Variants in KDM4C observed in about 807,000 individuals in gnomAD.
The protein encoded by KDM4C is lysine demethylase 4C, also known as lysine-specific demethylase 4C.
In KDM4C, 81 loss-of-function variants were observed where a neutral mutation model predicts 129.3. The observed-to-expected ratio is 0.63, with a 90% CI of 0.52 to 0.75. KDM4C has a LOEUF of 0.75. KDM4C is among the 30% of genes least tolerant of loss of function. The probability of loss-of-function intolerance (pLI) is 0.00; values close to 1 mark genes in which losing one functional copy is unlikely to be tolerated. For synonymous variants in KDM4C, 573 were observed against 456.1 expected (o/e 1.26, Z -3.26); for missense variants, 1,457 against 1,304.0 (o/e 1.12, Z -1.81).
intron 17 of KDM4C, chr9:7,077,170 C>CT: frequency 1.0e-6 from 1 of 985,348 alleles, no homozygotes; most frequent in African/African-American, 1.7e-5. Context: ...GTTGCTGAAG[C>CT]TCATGTTATC....
chr9:6,926,380 G>C (rs1040790019), intron 8 of KDM4C, among the ~76,000 whole-genome samples: 2 of 114,854 alleles, frequency 1.7e-5, no homozygotes, highest in African/African-American at 5.9e-5. Context: ...ATGAATGAAA[G>C]GGACACATGA....
At chr9:7,115,626 A>C (rs913761741) in intron 18 of KDM4C, among the ~76,000 whole-genome samples, 9 of 152,250 alleles carry the variant, frequency 5.9e-5, no homozygotes, top group Admixed American at 1.3e-4. Flanking sequence ...GTATATTTTT[A>C]AGACTATTAA....
chr9:6,784,286 T>G (rs1026636921), intron 1 of KDM4C, among the ~76,000 whole-genome samples: 3 of 152,168 alleles, frequency 2.0e-5, no homozygotes, highest in African/African-American at 7.2e-5. Flanking sequence ...AAAATCCAGT[T>G]ATTGTTCCTG....
intron 6 of KDM4C, 28 bp from the exon 7 acceptor site, chr9:6,887,932 G>A (rs1261630026): frequency 7.9e-6 from 10 of 1,269,544 alleles, no homozygotes; most frequent in African/African-American, 1.5e-5. Context: ...TCGACACAGT[G>A]CCACTTACAT....
At chr9:6,772,520 C>A (rs1822080925) in intron 1 of KDM4C, among the ~76,000 whole-genome samples, 1 of 152,142 alleles carries the variant, frequency 6.6e-6, no homozygotes, top group South Asian at 2.1e-4. Context: ...CACCACCACG[C>A]CTGGTTAATT....
At chr9:7,028,519 C>A (rs967631253) in intron 15 of KDM4C, among the ~76,000 whole-genome samples, 2 of 151,644 alleles carry the variant, frequency 1.3e-5, no homozygotes, top group African/African-American at 4.8e-5. Flanking sequence ...AGGAAGGGAT[C>A]TCTTTAATTG....
At chr9:6,846,877 T>C (rs10975851) in intron 4 of KDM4C, among the ~76,000 whole-genome samples, 13,684 of 152,200 alleles carry the variant, frequency 0.09, 823 homozygotes, top group East Asian at 0.26. Flanking sequence ...TATTTAGTGC[T>C]CCGAGCAACT....
intron 19 of KDM4C, among the ~76,000 whole-genome samples, chr9:7,137,703 C>G (rs1204285819): frequency 1.3e-5 from 2 of 152,166 alleles, no homozygotes; most frequent in African/African-American, 2.4e-5. Flanking sequence ...ATGGCAAGAG[C>G]TTCCTGAGGC....
At chr9:6,752,761 T>G (rs987626399), upstream of KDM4C, among the ~76,000 whole-genome samples, 1 of 152,190 alleles carries the variant, frequency 6.6e-6, no homozygotes, top group Non-Finnish European at 1.5e-5. Flanking sequence ...TCTTTCCAAC[T>G]AATATATGAA....
intron 1 of KDM4C, among the ~76,000 whole-genome samples, chr9:6,730,460 A>G (rs1343466022): frequency 6.6e-6 from 1 of 151,896 alleles, no homozygotes; most frequent in Non-Finnish European, 1.5e-5. Context: ...CTAAAAATAC[A>G]AAAAATTAGC....
chr9:6,907,901 G>A (rs2131045746), intron 8 of KDM4C, among the ~76,000 whole-genome samples: 1 of 152,234 alleles, frequency 6.6e-6, no homozygotes, highest in African/African-American at 2.4e-5. Context: ...ATGGACTATG[G>A]TACTTAAATA....
Position 6,910,865 on chromosome 9 carries a change from T to C in KDM4C, c.921+17633T>C, listed in dbSNP as rs1043457283. Among the ~76,000 whole-genome samples the C allele has an allele frequency of 8.2e-4, 125 of 152,378 alleles. 1 individual carries two copies. Among genetic ancestry groups the C allele is most frequent in the African/African-American group, 2.9e-3 (121 of 41,594 alleles). ...TAGATGATGGTACATCCAGTCATGA[T>C]ATGCTAATTAGCATTAAAAATGATG... On this transcript the variant is annotated intron_variant, in intron 8 of 21. Coordinates refer to ENST00000381309, the MANE Select transcript of KDM4C (RefSeq NM_015061.6).
chr9:6,969,674 C>T (rs187168134), intron 8 of KDM4C, among the ~76,000 whole-genome samples: 22 of 152,300 alleles, frequency 1.4e-4, no homozygotes, highest in African/African-American at 5.1e-4. Flanking sequence ...TTGTTACGCT[C>T]TGGTTTCAAC....
intron 15 of KDM4C, among the ~76,000 whole-genome samples, chr9:7,019,713 A>AAAAATATTATATTTTTATATAT (rs1563992846): frequency 0.012 from 1,244 of 105,364 alleles, 46 homozygotes; most frequent in East Asian, 0.058. Context: ...TTTTATATAT[A>AAAAATATTATATTTTTATATAT]AAAATATAAT....
At chr9:6,819,741 T>TG in intron 4 of KDM4C, among the ~76,000 whole-genome samples, 1 of 152,270 alleles carries the variant, frequency 6.6e-6, no homozygotes, top group Middle Eastern at 3.4e-3. Flanking sequence ...GTAGAGTGAG[T>TG]GTAATAATTG....
chr9:6,813,207 A>AAT (rs999613877), intron 3 of KDM4C, among the ~76,000 whole-genome samples: 1 of 152,070 alleles, frequency 6.6e-6, no homozygotes, highest in African/African-American at 2.4e-5. Context: ...TAAAAAAAAA[A>AAT]TTTTTAATTC....
At chr9:7,004,521 A>T (rs1255892834) in intron 12 of KDM4C, among the ~76,000 whole-genome samples, 1 of 152,178 alleles carries the variant, frequency 6.6e-6, no homozygotes, top group Non-Finnish European at 1.5e-5. Context: ...ATATATAGTC[A>T]TACTGTATAT....
chr9:6,733,922 C>T lies in KDM4C; in HGVS notation c.49+12925C>T, dbSNP rs115728043. Among the ~76,000 whole-genome samples the T allele has an allele frequency of 9.5e-3, 1,446 of 152,244 alleles. 21 individuals carry two copies. The highest frequency in any genetic ancestry group is 0.033 in the African/African-American group (1,377 of 41,542). ...GCTGCTGAGAGTGTAGCAGTGAGGA[C>T]AACCAGAGGTCACGCTCACATCTTG... On this transcript the variant is annotated intron_variant, in intron 1 of 17. Coordinates refer to the KDM4C transcript ENST00000536108.
intron 1 of KDM4C, among the ~76,000 whole-genome samples, chr9:6,790,989 G>T (rs10975831): frequency 3.3e-5 from 5 of 152,118 alleles, no homozygotes; most frequent in African/African-American, 9.6e-5. Flanking sequence ...ACTCCTGTCC[G>T]TTCCAGCGGT....
Sources: allele counts gnomAD v4.1 joint callset (sites outside exome capture counted in the v4.1 genomes callset), GRCh38; gene constraint gnomAD v4.1.1; transcripts MANE v1.5; gene names NCBI Gene and HGNC (gene_info 2026-07-23, HGNC 2026-07-21).